Variants in ATF7IP observed in about 807,000 individuals in gnomAD.
ATF7IP encodes the protein activating transcription factor 7-interacting protein 1.
A neutral mutation model predicts 106.4 loss-of-function variants in ATF7IP; 23 were observed. The observed-to-expected ratio is 0.22, with a 90% CI of 0.16 to 0.31. ATF7IP has a LOEUF of 0.31. Among genes scored for constraint, ATF7IP ranks in the 10% least tolerant of loss-of-function variants. The pLI is 1.00. For synonymous variants in ATF7IP, 542 were observed against 539.0 expected, an observed-to-expected ratio of 1.01 and a Z score of -0.08; for missense variants, 1,334 against 1,524.3, an observed-to-expected ratio of 0.88 and a Z score of 2.08.
At chr12:14,465,385 T>A (rs1205375802) in intron 9 of ATF7IP, among the ~76,000 whole-genome samples, 1 of 151,994 alleles carries the variant, frequency 6.6e-6, no homozygotes, top group African/African-American at 2.4e-5. Context: ...TTGGTAGTAA[T>A]CACTGATATT....
At chr12:14,484,848 AC>A (rs898207634) in intron 13 of ATF7IP, among the ~76,000 whole-genome samples, 2 of 152,122 alleles carry the variant, frequency 1.3e-5, no homozygotes, top group African/African-American at 4.8e-5. Flanking sequence ...GCTGTGCATG[AC>A]CCGCTTTATG....
intron 12 of ATF7IP, among the ~76,000 whole-genome samples, chr12:14,479,642 A>C (rs1944372208): frequency 6.6e-6 from 1 of 152,106 alleles, no homozygotes; most frequent in Non-Finnish European, 1.5e-5. Context: ...TGATGCAGCA[A>C]ATGTGTGGTT....
Position 14,433,259 on chromosome 12 carries a change from CACT to C in ATF7IP, c.1559-1077_1559-1075del, listed in dbSNP as rs146460373. ...CAGTGGCTTATGCCTGTAATCTCAG[CACT>C]TTGGGAGGCTGAGGGGGGTGGATCA... On this transcript the variant is annotated intron_variant, in intron 2 of 14. Coordinates refer to ENST00000261168, the MANE Select transcript of ATF7IP (RefSeq NM_018179.5). Among the ~76,000 whole-genome samples, 665 of 152,232 alleles carry C rather than the reference CACT, an allele frequency of 4.4e-3. 4 individuals carry two copies. Among genetic ancestry groups the C allele is most frequent in the African/African-American group, 0.015 (640 of 41,530 alleles).
At chr12:14,376,825 C>A (rs539318625) in intron 1 of ATF7IP, among the ~76,000 whole-genome samples, 7 of 152,200 alleles carry the variant, frequency 4.6e-5, no homozygotes, top group Non-Finnish European at 7.4e-5. Flanking sequence ...CCTTGGGAGG[C>A]TGAGGCAGGA....
intron 1 of ATF7IP, among the ~76,000 whole-genome samples, chr12:14,404,106 C>A (rs1940416272): frequency 6.8e-6 from 1 of 147,620 alleles, no homozygotes; most frequent in South Asian, 2.2e-4. Flanking sequence ...ACAATATGGG[C>A]ATCTTTGTAA....
At chr12:14,385,924 G>A (rs1939216478) in intron 1 of ATF7IP, among the ~76,000 whole-genome samples, 1 of 151,952 alleles carries the variant, frequency 6.6e-6, no homozygotes, top group Non-Finnish European at 1.5e-5. Context: ...ATGGGTTGCA[G>A]TTCTTTCTCA....
chr12:14,394,473 T>C (rs958434915), intron 1 of ATF7IP, among the ~76,000 whole-genome samples: 2 of 152,216 alleles, frequency 1.3e-5, no homozygotes, highest in Non-Finnish European at 2.9e-5. Flanking sequence ...TAACTAGATA[T>C]ATTCTAGAAC....
intron 1 of ATF7IP, among the ~76,000 whole-genome samples, chr12:14,372,075 T>C (rs1005531738): frequency 6.6e-6 from 1 of 152,144 alleles, no homozygotes; most frequent in African/African-American, 2.4e-5. Context: ...AGAAATTGCC[T>C]ATCCTTTAGT....
intron 5 of ATF7IP, among the ~76,000 whole-genome samples, chr12:14,439,946 C>G (rs1217061429): frequency 1.3e-5 from 2 of 152,144 alleles, no homozygotes; most frequent in African/African-American, 4.8e-5. Flanking sequence ...GATTTCTTAA[C>G]ATTTAAATTT....
chr12:14,441,007 C>G (rs78427728), intron 5 of ATF7IP, among the ~76,000 whole-genome samples: 2,107 of 152,290 alleles, frequency 0.014, 64 homozygotes, highest in African/African-American at 0.048. Context: ...GTTGTTCCTA[C>G]TTTCAGCTAT....
chr12:14,458,863 T>G (rs949576782), intron 8 of ATF7IP, among the ~76,000 whole-genome samples: 1 of 152,124 alleles, frequency 6.6e-6, no homozygotes, highest in African/African-American at 2.4e-5. Context: ...TGCACTTGGA[T>G]GGAGTTTTAC....
intron 1 of ATF7IP, among the ~76,000 whole-genome samples, chr12:14,374,592 G>A (rs1938660239): frequency 6.6e-6 from 1 of 152,148 alleles, no homozygotes; most frequent in African/African-American, 2.4e-5. Flanking sequence ...TGGTGAGAGT[G>A]TTGGAAGGAG....
At chr12:14,423,631 C>T (rs1565497328) in intron 1 of ATF7IP, 3 of 152,776 alleles carry the variant, frequency 2.0e-5, no homozygotes, top group Non-Finnish European at 3.7e-5. Flanking sequence ...TTAAACATCT[C>T]CATACTCTGT....
At chr12:14,404,870 A>G (rs1448567614) in intron 1 of ATF7IP, among the ~76,000 whole-genome samples, 2 of 152,160 alleles carry the variant, frequency 1.3e-5, no homozygotes, top group East Asian at 1.9e-4. Flanking sequence ...GAGAGTTTCC[A>G]AAGTATAGAA....
intron 13 of ATF7IP, among the ~76,000 whole-genome samples, chr12:14,495,880 C>A (rs1177713634): frequency 6.6e-6 from 1 of 152,088 alleles, no homozygotes; most frequent in East Asian, 1.9e-4. Context: ...GTTCATAGTT[C>A]TCCTGGTAAC....
intron 1 of ATF7IP, chr12:14,385,347 C>CTT: frequency 2.0e-6 from 3 of 1,530,054 alleles, no homozygotes; most frequent in Non-Finnish European, 1.7e-6. Context: ...TTTGTAGCTG[C>CTT]TTAGGCAGCA....
chr12:14,498,162 A>G lies in ATF7IP; in HGVS notation c.*89A>G. On this transcript the variant is annotated 3_prime_UTR_variant, in exon 15 of 15. Transcript: ENST00000261168. ...GTGCATGATACCCCATGTAAAATCC[A>G]CCTTGTGCAAGATTTCTTGGACAGA... 7.8e-7 allele frequency: 1 copy of G among 1,287,290 alleles called. No individual in the cohort carries two copies. Among genetic ancestry groups the G allele is most frequent in the Non-Finnish European group, 1.1e-6 (1 of 937,042 alleles). The allele number at this position is 1,287,290 out of a possible 1,614,324, so 79.7% of individuals were successfully genotyped here.
At chr12:14,377,901 T>C (rs1938820818) in intron 1 of ATF7IP, among the ~76,000 whole-genome samples, 2 of 152,032 alleles carry the variant, frequency 1.3e-5, no homozygotes. Flanking sequence ...GTGCTGGGAT[T>C]ACAGGCATAA....
At chr12:14,485,778 A>G (rs912947516) in intron 13 of ATF7IP, among the ~76,000 whole-genome samples, 10 of 152,350 alleles carry the variant, frequency 6.6e-5, no homozygotes, top group African/African-American at 1.4e-4. Context: ...TTCTCAAGGA[A>G]TGAAACCACA....
Sources: gnomAD v4.1 joint callset for allele counts (sites outside exome capture counted in the v4.1 genomes callset) on GRCh38, gnomAD v4.1.1 for gene constraint, MANE v1.5 for transcripts, NCBI Gene and HGNC (gene_info 2026-07-23, HGNC 2026-07-21) for gene names.